MFSD6: variants seen among roughly 807,000 people sequenced by gnomAD.
MFSD6 encodes major facilitator superfamily domain-containing protein 6.
Under a neutral mutation model 56.3 loss-of-function variants are expected in MFSD6, and 26 were observed. That is an observed-to-expected ratio of 0.46 (90% CI 0.34 to 0.64). The LOEUF (loss-of-function observed/expected upper bound fraction) is 0.64. Ranked by LOEUF, MFSD6 falls within the 30% of genes least tolerant of loss-of-function variation. The pLI is 0.01. For missense variants in MFSD6, 750 were observed against 986.2 expected (o/e 0.76, Z 3.21); for synonymous variants, 331 against 366.9 (o/e 0.90, Z 1.12).
In MFSD6 at chr2:190,423,085, T is replaced by G. The variant is rs571114780; in HGVS notation, c.-54+7672T>G. Among the ~76,000 whole-genome samples, 19 of 152,236 alleles carry G rather than the reference T, an allele frequency of 1.2e-4. No homozygotes were observed. The highest frequency in any genetic ancestry group is 2.1e-4 in the Non-Finnish European group (14 of 68,044). ...TTTAAACTTTATTTTGAGATCATTG[T>G]GGATTCACATGTAGTTGTTAGAAAT... On this transcript the variant is annotated intron_variant, in intron 2 of 7. Transcript: ENST00000392328. The surrounding 1 kb of genome is among the most constrained non-coding windows in gnomAD (Gnocchi z 4.3).
chr2:190,446,586 G>A (rs1686592763), intron 3 of MFSD6, among the ~76,000 whole-genome samples: 1 of 152,136 alleles, frequency 6.6e-6, no homozygotes, highest in African/African-American at 2.4e-5. Context: ...TTAAAATTTG[G>A]GGGATCAGAG....
At chr2:190,477,425 C>A (rs1470827711) in intron 4 of MFSD6, 43 of 908,038 alleles carry the variant, frequency 4.7e-5, no homozygotes, top group Non-Finnish European at 5.3e-5. Context: ...ATAATACATG[C>A]ATATAACTTT....
In MFSD6 at chr2:190,423,892, T is replaced by A. The variant is rs1685708041; in HGVS notation, c.-54+8479T>A. On this transcript the variant is annotated intron_variant, in intron 2 of 7. Coordinates refer to ENST00000392328, the MANE Select transcript of MFSD6 (RefSeq NM_017694.4). This position sits in a 1 kb window ranked among gnomAD's most constrained non-coding sequence, Gnocchi z 4.3. ...TTTACATTTCCCTAATCATTAATGA[T>A]GTTGAACATCTTTTCATTTGTATCT... Among the ~76,000 whole-genome samples the A allele has an allele frequency of 3.3e-5, 5 of 152,240 alleles. No individual in the cohort carries two copies. Among genetic ancestry groups the A allele is most frequent in the Admixed American group, 1.3e-4 (2 of 15,288 alleles).
chr2:190,414,012 C>T (rs898799301), intron 1 of MFSD6, among the ~76,000 whole-genome samples: 1 of 151,874 alleles, frequency 6.6e-6, no homozygotes, highest in African/African-American at 2.4e-5. Flanking sequence ...CAAGGTAGAG[C>T]AAAGGAGGAA....
At position 190,438,042 on chromosome 2, in the gene MFSD6, G is replaced by A. The variant is rs1686236642; in HGVS notation, c.1532+481G>A. Among the ~76,000 whole-genome samples, 1 of 152,078 alleles carries A rather than the reference G, an allele frequency of 6.6e-6. No individual in the cohort carries two copies. The highest frequency in any genetic ancestry group is 2.1e-4 in the South Asian group (1 of 4,822). Reference sequence around the variant, plus strand: ...TAAAGATGTCCATTATATCTAATAAGACTGTGATGTAACCCACCGTAATCC... The same window carrying A: ...TAAAGATGTCCATTATATCTAATAAAACTGTGATGTAACCCACCGTAATCC... On this transcript the variant is annotated intron_variant, in intron 3 of 7. Transcript: ENST00000392328. The surrounding 1 kb of genome is among the most constrained non-coding windows in gnomAD (Gnocchi z 5.2).
At chr2:190,483,086 G>T (rs1288297717) in intron 4 of MFSD6, among the ~76,000 whole-genome samples, 6 of 150,994 alleles carry the variant, frequency 4.0e-5, no homozygotes, top group Non-Finnish European at 7.4e-5. Context: ...TAGAGACGGG[G>T]TTTCACCTTG....
rs573332288 is a variant in MFSD6 at position 190,426,801 on chromosome 2, A to G, written c.-53-9176A>G. 2.0e-5 allele frequency among the ~76,000 whole-genome samples: 3 copies of G among 151,724 alleles called. No homozygotes were observed. The East Asian group carries it at 5.8e-4, about 29-fold the overall frequency. On this transcript the variant is annotated intron_variant, in intron 2 of 7. Coordinates refer to ENST00000392328, the MANE Select transcript of MFSD6 (RefSeq NM_017694.4). This position sits in a 1 kb window ranked among gnomAD's most constrained non-coding sequence, Gnocchi z 4.7. ...GACGAATGATTTTTTATTGAAAGCA[A>G]GATGTTTTGGGTATTATTTTATGAG...
Position 190,433,679 on chromosome 2 carries a change from T to C in MFSD6, c.-53-2298T>C, listed in dbSNP as rs1686080262. On this transcript the variant is annotated intron_variant, in intron 2 of 7. Transcript: ENST00000392328. This position sits in a 1 kb window ranked among gnomAD's most constrained non-coding sequence, Gnocchi z 4.5. ...AACATTTTCAAAGCTTACAGCTACATTGACATCTGGCTTTTGGGGATAACA... is the reference window on the plus strand; with the variant it reads ...AACATTTTCAAAGCTTACAGCTACACTGACATCTGGCTTTTGGGGATAACA... 6.6e-6 allele frequency among the ~76,000 whole-genome samples: 1 copy of C among 152,230 alleles called. No homozygotes were observed. The highest frequency in any genetic ancestry group is 2.4e-5 in the African/African-American group (1 of 41,458).
intron 4 of MFSD6, among the ~76,000 whole-genome samples, chr2:190,486,814 T>A (rs577816425): frequency 1.2e-4 from 18 of 152,370 alleles, no homozygotes; most frequent in Admixed American, 8.5e-4. Flanking sequence ...TGGAACCAGA[T>A]GATTTCTTAA....
chr2:190,463,472 A>G lies in MFSD6; in HGVS notation c.1533-6286A>G, dbSNP rs1687433495. On this transcript the variant is annotated intron_variant, in intron 3 of 7. Coordinates refer to ENST00000392328, the MANE Select transcript of MFSD6 (RefSeq NM_017694.4). The surrounding 1 kb of genome is among the most constrained non-coding windows in gnomAD (Gnocchi z 4.4). ...CTCTGCCTACTCTAGGAAGACATCT[A>G]TAACAATTCTGAAAAAAAAATTTTT... 6.6e-6 allele frequency among the ~76,000 whole-genome samples: 1 copy of G among 152,166 alleles called. No individual in the cohort carries two copies. The highest frequency in any genetic ancestry group is 1.5e-5 in the Non-Finnish European group (1 of 68,036).
At chr2:190,477,378 T>G (rs1254359436) in intron 4 of MFSD6, 35 of 978,966 alleles carry the variant, frequency 3.6e-5, no homozygotes, top group Non-Finnish European at 4.1e-5. Flanking sequence ...AAATAAAGAT[T>G]TGTATACCTA....
Position 190,418,024 on chromosome 2 carries a change from G to C in MFSD6, c.-54+2611G>C, listed in dbSNP as rs1022270309. On this transcript the variant is annotated intron_variant, in intron 2 of 7. Transcript: ENST00000392328. The surrounding 1 kb of genome is among the most constrained non-coding windows in gnomAD (Gnocchi z 4.1). ...TGTATGTGAGAGAGAGAGAGATGTG[G>C]TTTATCATTGCTTGTCAATGATAAA... 2.7e-5 allele frequency among the ~76,000 whole-genome samples: 4 copies of C among 149,386 alleles called. No homozygotes were observed. The highest frequency in any genetic ancestry group is 9.8e-5 in the African/African-American group (4 of 40,628).
At position 190,410,815 on chromosome 2, in the gene MFSD6, T is replaced by C. The variant is rs2124975854; in HGVS notation, c.-176+2312T>C. Among the ~76,000 whole-genome samples, 1 of 152,090 alleles carries C rather than the reference T, an allele frequency of 6.6e-6. No homozygotes were observed. Among genetic ancestry groups the C allele is most frequent in the South Asian group, 2.1e-4 (1 of 4,808 alleles). On this transcript the variant is annotated intron_variant, in intron 1 of 7. Transcript: ENST00000392328. The surrounding 1 kb of genome is among the most constrained non-coding windows in gnomAD (Gnocchi z 4.4). ...GCTCATGCCTGTAATCCCAGCACTT[T>C]GGGAGGCCGAGGCAGGTGGATCACG...
Position 190,423,043 on chromosome 2 carries a change from C to A in MFSD6, c.-54+7630C>A, listed in dbSNP as rs767893102. Among the ~76,000 whole-genome samples the A allele has an allele frequency of 2.0e-5, 3 of 152,152 alleles. No individual in the cohort carries two copies. Among genetic ancestry groups the A allele is most frequent in the Non-Finnish European group, 4.4e-5 (3 of 68,042 alleles). On this transcript the variant is annotated intron_variant, in intron 2 of 7. Coordinates refer to ENST00000392328, the MANE Select transcript of MFSD6 (RefSeq NM_017694.4). This position sits in a 1 kb window ranked among gnomAD's most constrained non-coding sequence, Gnocchi z 4.3. ...TAGTCACTATCTCCCTTAAGGGTAA[C>A]CCCTATCCTAACTTCTTTTAAACTT...
intron 3 of MFSD6, among the ~76,000 whole-genome samples, chr2:190,441,376 C>T (rs1025677375): frequency 4.6e-5 from 7 of 151,156 alleles, no homozygotes; most frequent in Non-Finnish European, 1.0e-4. Flanking sequence ...AGGCATTCAA[C>T]GTTTTTACAG....
In MFSD6 at chr2:190,416,190, T is replaced by C. The variant is rs975644207; in HGVS notation, c.-54+777T>C. Reference sequence around the variant, plus strand: ...AGGAACCTAAATTATAAATTTTTAATTGACATTTGATTATTTTCTTCCACA... The same window carrying C: ...AGGAACCTAAATTATAAATTTTTAACTGACATTTGATTATTTTCTTCCACA... On this transcript the variant is annotated intron_variant, in intron 2 of 7. Coordinates refer to ENST00000392328, the MANE Select transcript of MFSD6 (RefSeq NM_017694.4). This position sits in a 1 kb window ranked among gnomAD's most constrained non-coding sequence, Gnocchi z 4.1. Among the ~76,000 whole-genome samples, 7 of 152,222 alleles carry C rather than the reference T, an allele frequency of 4.6e-5. No individual in the cohort carries two copies. The highest frequency in any genetic ancestry group is 3.9e-4 in the Admixed American group (6 of 15,290).
In MFSD6 at chr2:190,418,505, C is replaced by T. The variant is rs1690882565; in HGVS notation, c.-54+3092C>T. Among the ~76,000 whole-genome samples, 1 of 151,934 alleles carries T rather than the reference C, an allele frequency of 6.6e-6. No homozygotes were observed. The highest frequency in any genetic ancestry group is 2.1e-4 in the South Asian group (1 of 4,798). ...GCACAGTGGCCCACACCTGTAATTC[C>T]AGTACTTTAGGAGGCTGAGGCAAAT... On this transcript the variant is annotated intron_variant, in intron 2 of 7. Transcript: ENST00000392328. The surrounding 1 kb of genome is among the most constrained non-coding windows in gnomAD (Gnocchi z 4.1).
intron 3 of MFSD6, among the ~76,000 whole-genome samples, chr2:190,468,982 A>G (rs1289250744): frequency 6.6e-6 from 1 of 152,136 alleles, no homozygotes; most frequent in Non-Finnish European, 1.5e-5. Context: ...AAACCAGCCC[A>G]TCCAGTTCAG....
In MFSD6 at chr2:190,431,547, A is replaced by T. The variant is rs528298765; in HGVS notation, c.-53-4430A>T. ...GCGAAACCCCGTCTCCACCAAAAAAATACGAAAACCAGTCAGGTGTGGCGG... is the reference window on the plus strand; with the variant it reads ...GCGAAACCCCGTCTCCACCAAAAAATTACGAAAACCAGTCAGGTGTGGCGG... On this transcript the variant is annotated intron_variant, in intron 2 of 7. Transcript: ENST00000392328. This position sits in a 1 kb window ranked among gnomAD's most constrained non-coding sequence, Gnocchi z 4.4. 6.6e-6 allele frequency among the ~76,000 whole-genome samples: 1 copy of T among 152,232 alleles called. No homozygotes were observed. Among genetic ancestry groups the T allele is most frequent in the Non-Finnish European group, 1.5e-5 (1 of 68,044 alleles).
Sources: allele counts gnomAD v4.1 joint callset (sites outside exome capture counted in the v4.1 genomes callset), GRCh38; gene constraint gnomAD v4.1.1; non-coding constraint Gnocchi (gnomAD v3.1); transcripts MANE v1.5; gene names NCBI Gene and HGNC (gene_info 2026-07-23, HGNC 2026-07-21).